IL1RAPL2: variants seen among roughly 807,000 people sequenced by gnomAD.
The protein encoded by IL1RAPL2 is interleukin 1 receptor accessory protein like 2, also known as X-linked interleukin-1 receptor accessory protein-like 2.
A neutral mutation model predicts 44.1 loss-of-function variants in IL1RAPL2; 3 were observed. The ratio of observed to expected loss-of-function variants is 0.07; its 90% CI spans 0.03 to 0.18. The LOEUF (loss-of-function observed/expected upper bound fraction) is 0.18, where lower values mean the gene tolerates loss of function less well. Among genes scored for constraint, IL1RAPL2 ranks in the 10% least tolerant of loss-of-function variants. The pLI is 1.00. For missense variants in IL1RAPL2, 391 were observed against 496.4 expected, an observed-to-expected ratio of 0.79 and a Z score of 2.02; for synonymous variants, 181 against 178.8, an observed-to-expected ratio of 1.01 and a Z score of -0.10.
intron 5 of IL1RAPL2, among the ~76,000 whole-genome samples, chrX:105,302,025 G>A (rs1423083468): frequency 9.0e-6 from 1 of 111,698 alleles, no homozygotes; most frequent in Admixed American, 9.5e-5. Flanking sequence ...GCCAGCATTT[G>A]TTATTGCTTG....
intron 2 of IL1RAPL2, among the ~76,000 whole-genome samples, chrX:104,766,225 A>G (rs992726204): frequency 2.7e-5 from 3 of 112,532 alleles, no homozygotes; most frequent in Non-Finnish European, 3.8e-5. Flanking sequence ...AATTGGCTCA[A>G]TTTGCCTTAC....
At chrX:105,536,042 T>TA (rs771214967) in intron 6 of IL1RAPL2, among the ~76,000 whole-genome samples, 1 of 111,732 alleles carries the variant, frequency 8.9e-6, no homozygotes, top group East Asian at 2.8e-4. Flanking sequence ...TAGCTACCAA[T>TA]ATATAGTTCT....
intron 2 of IL1RAPL2, among the ~76,000 whole-genome samples, chrX:104,955,162 C>A (rs937641461): frequency 5.4e-5 from 6 of 111,613 alleles, no homozygotes; most frequent in African/African-American, 2.0e-4. Flanking sequence ...CCTGTTGTAG[C>A]CAATCTTCAA....
intron 5 of IL1RAPL2, among the ~76,000 whole-genome samples, chrX:105,351,184 A>G (rs1313333219): frequency 8.9e-6 from 1 of 111,738 alleles, no homozygotes; most frequent in Non-Finnish European, 1.9e-5. Flanking sequence ...GGGAGTGTAA[A>G]TTACTTCGAA....
At chrX:104,708,287 T>G (rs1369325795) in intron 2 of IL1RAPL2, among the ~76,000 whole-genome samples, 3 of 111,595 alleles carry the variant, frequency 2.7e-5, no homozygotes, top group African/African-American at 9.8e-5. Context: ...TATCTGACTG[T>G]CTTTGGGTAA....
In IL1RAPL2 at chrX:105,655,302, C is replaced by T. The variant is rs1281826296; in HGVS notation, c.773-62065C>T. ...GTGACAGTGGAAACTTATGGGGCAC[C>T]CCATCTCTCCCACCATATAACATCT... On this transcript the variant is annotated intron_variant, in intron 6 of 10. Coordinates refer to ENST00000372582, the MANE Select transcript of IL1RAPL2 (RefSeq NM_017416.2). Among the ~76,000 whole-genome samples the T allele has an allele frequency of 2.7e-5, 3 of 112,473 alleles. No homozygotes were observed. In the East Asian group the frequency reaches 8.4e-4, roughly 32 times the overall value.
intron 5 of IL1RAPL2, among the ~76,000 whole-genome samples, chrX:105,355,828 A>G (rs2035197789): frequency 9.0e-6 from 1 of 111,563 alleles, no homozygotes; most frequent in African/African-American, 3.3e-5. Flanking sequence ...ATATTTGATA[A>G]ATAGATGAAT....
At chrX:105,037,591 T>C (rs976067660) in intron 2 of IL1RAPL2, among the ~76,000 whole-genome samples, 2 of 111,536 alleles carry the variant, frequency 1.8e-5, no homozygotes, top group Non-Finnish European at 3.8e-5. Flanking sequence ...TTATCCCTGA[T>C]TCCATATCCA....
chrX:104,889,634 G>A (rs1324456456), intron 2 of IL1RAPL2, among the ~76,000 whole-genome samples: 6 of 111,143 alleles, frequency 5.4e-5, no homozygotes, highest in African/African-American at 2.0e-4. Context: ...TCAGCACAGA[G>A]CCATACAACT....
At chrX:104,672,482 A>G (rs1930631124) in intron 2 of IL1RAPL2, among the ~76,000 whole-genome samples, 1 of 107,758 alleles carries the variant, frequency 9.3e-6, no homozygotes, top group Admixed American at 1.0e-4. Context: ...ACATTTTCTT[A>G]ATCCAGTCTA....
chrX:104,801,876 A>G (rs1024259884), intron 2 of IL1RAPL2, among the ~76,000 whole-genome samples: 5 of 111,513 alleles, frequency 4.5e-5, no homozygotes. Context: ...CATGTCTGTA[A>G]ATTTTCCACC....
intron 5 of IL1RAPL2, among the ~76,000 whole-genome samples, chrX:105,363,751 A>G (rs1355964145): frequency 9.0e-6 from 1 of 110,511 alleles, no homozygotes; most frequent in Admixed American, 9.7e-5. Context: ...TCTTCTTTTA[A>G]GAAATATATA....
rs777143643 is a variant in IL1RAPL2 at position 105,136,858 on chromosome X, T to C, written c.83-58617T>C. ...GCTTGTAAAATGAGAAAGATATGTG[T>C]AAGGAGGCAGTAGAACCAAATTAAA... On this transcript the variant is annotated intron_variant, in intron 2 of 10. Transcript: ENST00000372582. Among the ~76,000 whole-genome samples the C allele has an allele frequency of 1.2e-4, 14 of 112,247 alleles. No individual in the cohort carries two copies. In the South Asian group the frequency reaches 5.2e-3, roughly 42 times the overall value.
intron 5 of IL1RAPL2, among the ~76,000 whole-genome samples, chrX:105,462,052 C>A (rs1402349822): frequency 1.8e-5 from 2 of 110,955 alleles, no homozygotes; most frequent in African/African-American, 6.5e-5. Flanking sequence ...ACAATCCTTC[C>A]TCCCTGCTAT....
At chrX:105,581,220 T>C (rs994871432) in intron 6 of IL1RAPL2, among the ~76,000 whole-genome samples, 1 of 111,966 alleles carries the variant, frequency 8.9e-6, no homozygotes, top group African/African-American at 3.2e-5. Flanking sequence ...TAGGTTCATT[T>C]CTGCACTTTA....
chrX:105,380,025 A>G (rs1314971785), intron 5 of IL1RAPL2, among the ~76,000 whole-genome samples: 3 of 111,952 alleles, frequency 2.7e-5, no homozygotes, highest in Non-Finnish European at 3.8e-5. Flanking sequence ...AATATTTGAA[A>G]GAAGCCTAAC....
chrX:105,077,258 G>T (rs2032322009), intron 2 of IL1RAPL2, among the ~76,000 whole-genome samples: 1 of 111,282 alleles, frequency 9.0e-6, no homozygotes, highest in African/African-American at 3.3e-5. Context: ...AAATCTCTCA[G>T]CATTTGCTTG....
chrX:105,479,365 T>G (rs1380830068), intron 5 of IL1RAPL2, among the ~76,000 whole-genome samples: 1 of 111,806 alleles, frequency 8.9e-6, no homozygotes, highest in East Asian at 2.8e-4. Context: ...TAAGCCAAGA[T>G]GCATAGTTGG....
chrX:105,605,171 A>C (rs2037284475), intron 6 of IL1RAPL2, among the ~76,000 whole-genome samples: 1 of 111,349 alleles, frequency 9.0e-6, no homozygotes. Flanking sequence ...ACCAGTTTGC[A>C]GTTGACATGA....
Sources: gnomAD v4.1 joint callset for allele counts (sites outside exome capture counted in the v4.1 genomes callset) on GRCh38, gnomAD v4.1.1 for gene constraint, MANE v1.5 for transcripts, NCBI Gene and HGNC (gene_info 2026-07-23, HGNC 2026-07-21) for gene names.